PTPRD: variants seen among roughly 807,000 people sequenced by gnomAD.
PTPRD encodes protein tyrosine phosphatase receptor type D.
In PTPRD, 34 loss-of-function variants were observed where a neutral mutation model predicts 214.5. That is an observed-to-expected ratio of 0.16 (90% CI 0.12 to 0.21). The LOEUF is 0.21. Among genes scored for constraint, PTPRD ranks in the 10% least tolerant of loss-of-function variants. The pLI, the probability that PTPRD is intolerant of heterozygous loss-of-function variation, is 1.00. For missense variants in PTPRD, 2,545 were observed against 2,398.7 expected (o/e 1.06, Z -1.27); for synonymous variants, 1,128 against 845.7 (o/e 1.33, Z -5.79).
At chr9:9,139,627 T>A (rs551622011) in intron 10 of PTPRD, among the ~76,000 whole-genome samples, 3 of 152,116 alleles carry the variant, frequency 2.0e-5, no homozygotes, top group Admixed American at 6.5e-5. Context: ...TGGATTCATG[T>A]CCTGGGTGGG....
intron 11 of PTPRD, among the ~76,000 whole-genome samples, chr9:9,009,947 T>G (rs1356673039): frequency 6.6e-6 from 1 of 152,094 alleles, no homozygotes; most frequent in East Asian, 1.9e-4. Context: ...CCTGAGTAAT[T>G]TTTTGCTCCG....
At chr9:9,452,091 T>G (rs1254197825) in intron 8 of PTPRD, among the ~76,000 whole-genome samples, 1 of 151,384 alleles carries the variant, frequency 6.6e-6, no homozygotes, top group African/African-American at 2.4e-5. Context: ...AACAAATATA[T>G]AACAATCTAT....
chr9:9,827,171 G>A (rs2053187154), intron 5 of PTPRD, among the ~76,000 whole-genome samples: 1 of 151,928 alleles, frequency 6.6e-6, no homozygotes. Flanking sequence ...AAGTTCATAT[G>A]GAACCAAAAA....
At chr9:10,063,925 C>T (rs1447564422) in intron 3 of PTPRD, among the ~76,000 whole-genome samples, 1 of 151,894 alleles carries the variant, frequency 6.6e-6, no homozygotes, top group Non-Finnish European at 1.5e-5. Flanking sequence ...GACTATTAGC[C>T]AGTATTATGA....
chr9:9,045,102 G>C (rs919852252), intron 10 of PTPRD, among the ~76,000 whole-genome samples: 1 of 152,112 alleles, frequency 6.6e-6, no homozygotes, highest in Non-Finnish European at 1.5e-5. Flanking sequence ...AACTAGACGT[G>C]TTCTGTTATG....
At chr9:9,260,951 T>C (rs1175610274) in intron 9 of PTPRD, among the ~76,000 whole-genome samples, 1 of 151,880 alleles carries the variant, frequency 6.6e-6, no homozygotes, top group African/African-American at 2.4e-5. Context: ...AGCTAATTCT[T>C]TGGTATTTTC....
At chr9:8,674,671 T>C (rs1176973175) in intron 12 of PTPRD, among the ~76,000 whole-genome samples, 1 of 152,076 alleles carries the variant, frequency 6.6e-6, no homozygotes, top group Non-Finnish European at 1.5e-5. Flanking sequence ...AACAGCACTT[T>C]TATAAAATCA....
intron 8 of PTPRD, among the ~76,000 whole-genome samples, chr9:9,554,244 T>A (rs1344526101): frequency 2.0e-5 from 3 of 152,080 alleles, no homozygotes; most frequent in Admixed American, 2.0e-4. Flanking sequence ...ATGTGGCCTC[T>A]CACACACTGC....
chr9:8,865,733 T>C (rs920421223), intron 11 of PTPRD, among the ~76,000 whole-genome samples: 4 of 152,170 alleles, frequency 2.6e-5, no homozygotes, highest in South Asian at 2.1e-4. Context: ...TAGATACCAC[T>C]GTGGCCTGGT....
At chr9:10,517,984 A>T (rs2050709814) in intron 2 of PTPRD, among the ~76,000 whole-genome samples, 1 of 152,170 alleles carries the variant, frequency 6.6e-6, no homozygotes, top group African/African-American at 2.4e-5. Flanking sequence ...ATTGGAATAT[A>T]TTGAATATGA....
At chr9:8,732,706 C>A (rs562622082) in intron 12 of PTPRD, among the ~76,000 whole-genome samples, 1 of 152,128 alleles carries the variant, frequency 6.6e-6, no homozygotes, top group Admixed American at 6.5e-5. Context: ...TTATTCCTTT[C>A]ACTTCTCAAA....
intron 5 of PTPRD, among the ~76,000 whole-genome samples, chr9:9,902,526 T>C (rs1487615389): frequency 6.6e-6 from 1 of 152,154 alleles, no homozygotes; most frequent in Non-Finnish European, 1.5e-5. Flanking sequence ...GGTCTCAAGA[T>C]AACCACAGTA....
chr9:9,367,640 A>C (rs933033765), intron 9 of PTPRD, among the ~76,000 whole-genome samples: 2 of 151,632 alleles, frequency 1.3e-5, no homozygotes, highest in Admixed American at 6.6e-5. Context: ...CCAGAAGTTA[A>C]ATTTTTAGGC....
At chr9:10,575,314 T>G (rs2068864109) in intron 2 of PTPRD, among the ~76,000 whole-genome samples, 1 of 151,982 alleles carries the variant, frequency 6.6e-6, no homozygotes, top group Non-Finnish European at 1.5e-5. Context: ...AATACTAATA[T>G]TTACCATTCA....
intron 5 of PTPRD, among the ~76,000 whole-genome samples, chr9:9,898,413 C>T (rs952401409): frequency 6.6e-6 from 1 of 151,978 alleles, no homozygotes; most frequent in African/African-American, 2.4e-5. Context: ...AGGACTCACA[C>T]CTGTTCATTT....
At chr9:9,106,741 TA>T (rs2099799205) in intron 10 of PTPRD, among the ~76,000 whole-genome samples, 1 of 152,142 alleles carries the variant, frequency 6.6e-6, no homozygotes, top group Non-Finnish European at 1.5e-5. Context: ...AATGCTCATT[TA>T]AAAAATTTCA....
intron 10 of PTPRD, among the ~76,000 whole-genome samples, chr9:9,094,687 TA>T (rs1467836956): frequency 2.0e-5 from 3 of 151,946 alleles, no homozygotes; most frequent in Non-Finnish European, 2.9e-5. Flanking sequence ...AAAACTAAAA[TA>T]AAGAAAGAAA....
intron 12 of PTPRD, among the ~76,000 whole-genome samples, chr9:8,653,817 T>C (rs951136247): frequency 2.6e-5 from 4 of 152,202 alleles, no homozygotes; most frequent in African/African-American, 7.2e-5. Flanking sequence ...AATTTCTAAC[T>C]TAGAAACCAT....
At chr9:9,459,476 C>G (rs533682618) in intron 8 of PTPRD, among the ~76,000 whole-genome samples, 11 of 152,132 alleles carry the variant, frequency 7.2e-5, no homozygotes, top group African/African-American at 2.6e-4. Context: ...CCAAAAGACT[C>G]CTAGATCTGA....
Sources: allele counts gnomAD v4.1 joint callset (sites outside exome capture counted in the v4.1 genomes callset), GRCh38; gene constraint gnomAD v4.1.1; transcripts MANE v1.5; gene names NCBI Gene and HGNC (gene_info 2026-07-23, HGNC 2026-07-21).